Variants in KTN1 observed in about 807,000 individuals in gnomAD.
The protein encoded by KTN1 is kinectin.
A neutral mutation model predicts 222.5 loss-of-function variants in KTN1; 130 were observed. That is an observed-to-expected ratio of 0.58 (90% CI 0.51 to 0.68). KTN1 has a LOEUF of 0.68. Ranked by LOEUF, KTN1 falls within the 30% of genes least tolerant of loss-of-function variation. The pLI is 0.00. For missense variants in KTN1, 1,508 were observed against 1,500.4 expected (o/e 1.01, Z -0.08); for synonymous variants, 512 against 496.3 (o/e 1.03, Z -0.42).
At chr14:55,655,080 C>A (rs956803951) in intron 28 of KTN1, among the ~76,000 whole-genome samples, 1 of 152,116 alleles carries the variant, frequency 6.6e-6, no homozygotes, top group African/African-American at 2.4e-5. Flanking sequence ...CCAGGACATC[C>A]TGGGCTCAAG....
rs1368242467 is a variant in KTN1, at chr14:55,650,321, A to T, written c.2406-7A>T. The T allele has an allele frequency of 6.4e-7, 1 of 1,574,662 alleles. No homozygotes were observed. Reference sequence around the variant, plus strand: ...TAATCAAATTATACTGCATTTCTTTATTGAAGGATCCATGAGAAAGATGGA... The same window carrying T: ...TAATCAAATTATACTGCATTTCTTTTTTGAAGGATCCATGAGAAAGATGGA... On this transcript the variant is annotated splice_region_variant and splice_polypyrimidine_tract_variant and intron_variant, in intron 22 of 43. Coordinates refer to ENST00000395314, the MANE Select transcript of KTN1 (RefSeq NM_001079521.2).
At chr14:55,656,253 T>TGGGTGGG in intron 29 of KTN1, 121 bp downstream of exon 29, 1 of 640,282 alleles carries the variant, frequency 1.6e-6, no homozygotes, top group Non-Finnish European at 2.7e-6. Flanking sequence ...ACCCAGATAC[T>TGGGTGGG]AGGTGTCATT....
chr14:55,628,838 C>G (rs1001163322), intron 6 of KTN1, among the ~76,000 whole-genome samples: 1 of 152,108 alleles, frequency 6.6e-6, no homozygotes, highest in East Asian at 1.9e-4. Flanking sequence ...ATTAGGATAA[C>G]TAATTTGATA....
At chr14:55,680,533 C>G (rs1595351006) in intron 43 of KTN1, 3 of 496,994 alleles carry the variant, frequency 6.0e-6, no homozygotes, top group South Asian at 1.5e-5. Context: ...TCCTGGAGAC[C>G]CTGAGGGGCA....
chr14:55,641,827 T>A (rs1382744673), intron 18 of KTN1, 67 bp downstream of exon 18: 27 of 1,004,808 alleles, frequency 2.7e-5, no homozygotes, highest in Non-Finnish European at 1.6e-6. Context: ...TCTTCTTATT[T>A]AGGTACCAAA....
chr14:55,621,533 C>G (rs947745117), intron 5 of KTN1, among the ~76,000 whole-genome samples: 1 of 152,140 alleles, frequency 6.6e-6, no homozygotes, highest in African/African-American at 2.4e-5. Flanking sequence ...TACATGGCAG[C>G]AGGGAAGAGG....
chr14:55,615,720 T>A (rs2038254250), intron 2 of KTN1, among the ~76,000 whole-genome samples: 1 of 152,036 alleles, frequency 6.6e-6, no homozygotes, highest in Non-Finnish European at 1.5e-5. Flanking sequence ...CTAAGAGTAT[T>A]TTGTCAATAT....
chr14:55,610,183 A>G (rs1311579332), intron 1 of KTN1, among the ~76,000 whole-genome samples: 1 of 152,182 alleles, frequency 6.6e-6, no homozygotes, highest in African/African-American at 2.4e-5. Context: ...CTGTTGAACA[A>G]ACGACAGTCA....
intron 18 of KTN1, among the ~76,000 whole-genome samples, chr14:55,646,460 T>TTTTCCC (rs1566788057): frequency 5.1e-4 from 25 of 48,982 alleles, no homozygotes; most frequent in South Asian, 1.6e-3. Context: ...TTCCTTTTCC[T>TTTTCCC]TTTCCTTTCC....
intron 5 of KTN1, among the ~76,000 whole-genome samples, chr14:55,623,934 C>T (rs982357973): frequency 6.6e-6 from 1 of 152,244 alleles, no homozygotes; most frequent in African/African-American, 2.4e-5. Context: ...TTGTCTGAGA[C>T]AGCTTTCAAC....
intron 18 of KTN1, among the ~76,000 whole-genome samples, chr14:55,642,712 G>T (rs1183644368): frequency 6.6e-6 from 1 of 151,962 alleles, no homozygotes; most frequent in East Asian, 1.9e-4. Flanking sequence ...GGTGTAAGTA[G>T]CTGTGCCTCT....
At position 55,672,970 on chromosome 14, in the gene KTN1, G is replaced by C; in HGVS notation, c.3645G>C (p.Lys1215Asn). 1 of 1,613,432 alleles carries C rather than the reference G, an allele frequency of 6.2e-7. No homozygotes were observed. Among genetic ancestry groups the C allele is most frequent in the Non-Finnish European group, 8.5e-7 (1 of 1,179,512 alleles). The stretch of plus-strand genomic sequence containing the variant: ...AACATTTGGAAATGGAACTAGAAAA[G>C]GCAGAGATGGAACGATCTACCTATG... ...EREHLEMELE[K>N]AEMERSTYVT... is the part of the protein sequence containing the mutation. The change falls in exon 39 of 44, where the codon AAG becomes AAC. Residue 1215 changes from lysine (K) to asparagine (N), a missense_variant. By Grantham distance (94) the Lys-to-Asn change is moderately conservative. Coordinates refer to ENST00000395314, the MANE Select transcript of KTN1 (RefSeq NM_001079521.2).
chr14:55,644,547 A>G (rs2042106721), intron 18 of KTN1: 1 of 522,112 alleles, frequency 1.9e-6, no homozygotes, highest in Non-Finnish European at 3.5e-6. Flanking sequence ...TATTTCATTT[A>G]CTCAGAATAA....
At chr14:55,618,790 A>G (rs1375852875) in intron 4 of KTN1, among the ~76,000 whole-genome samples, 1 of 152,194 alleles carries the variant, frequency 6.6e-6, no homozygotes. Flanking sequence ...ATTTGGCTTA[A>G]TATCTCTCAG....
intron 5 of KTN1, among the ~76,000 whole-genome samples, chr14:55,623,246 G>A (rs2039385459): frequency 6.6e-6 from 1 of 152,250 alleles, no homozygotes; most frequent in Non-Finnish European, 1.5e-5. Flanking sequence ...ATTTTACAAT[G>A]TAGTATGCTT....
At chr14:55,661,138 T>C (rs1465636370) in intron 31 of KTN1, 2 of 153,960 alleles carry the variant, frequency 1.3e-5, no homozygotes, top group Non-Finnish European at 1.4e-5. Flanking sequence ...TTCATTGCCC[T>C]CTGGAAAAAA....
chr14:55,675,650 T>C (rs1005094907), intron 40 of KTN1, 185 bp from the exon 41 acceptor site: 5 of 431,718 alleles, frequency 1.2e-5, no homozygotes, highest in African/African-American at 8.0e-5. Flanking sequence ...GCTTTTCTTA[T>C]GTTTAGCTTT....
chr14:55,673,340 TC>T, intron 40 of KTN1, 85 bp downstream of exon 40: 1 of 799,072 alleles, frequency 1.3e-6, no homozygotes, highest in South Asian at 1.7e-5. Flanking sequence ...GGCTTTTTTT[TC>T]TTTGCTAACA....
At chr14:55,652,467 C>T (rs1460760821) in intron 25 of KTN1, among the ~76,000 whole-genome samples, 4 of 142,610 alleles carry the variant, frequency 2.8e-5, no homozygotes, top group African/African-American at 5.3e-5. Context: ...GGCATGATCT[C>T]GGCTCACTGC....
Sources: gnomAD v4.1 joint callset for allele counts (sites outside exome capture counted in the v4.1 genomes callset) on GRCh38, gnomAD v4.1.1 for gene constraint, MANE v1.5 for transcripts, NCBI Gene and HGNC (gene_info 2026-07-23, HGNC 2026-07-21) for gene names.